CNTN6: variants seen among roughly 807,000 people sequenced by gnomAD.
CNTN6 encodes contactin 6, also known as contactin-6.
In CNTN6, 137 loss-of-function variants were observed where a neutral mutation model predicts 122.8. That is an observed-to-expected ratio of 1.12 (90% CI 0.97 to 1.29). The LOEUF (loss-of-function observed/expected upper bound fraction) is 1.29, where lower values mean the gene tolerates loss of function less well. Ranked by LOEUF, CNTN6 falls within the 50% of genes most tolerant of loss-of-function variation. CNTN6 has a pLI of 0.00. For missense variants in CNTN6, 1,634 were observed against 1,223.4 expected, an observed-to-expected ratio of 1.34 and a Z score of -5.01; for synonymous variants, 570 against 426.0, an observed-to-expected ratio of 1.34 and a Z score of -4.16.
intron 9 of CNTN6, among the ~76,000 whole-genome samples, chr3:1,326,218 C>A (rs1355775226): frequency 6.6e-6 from 1 of 151,858 alleles, no homozygotes; most frequent in Non-Finnish European, 1.5e-5. Context: ...ATATCATCAT[C>A]ATCATCACCG....
intron 20 of CNTN6, among the ~76,000 whole-genome samples, chr3:1,392,567 A>T (rs1239798747): frequency 1.1e-4 from 16 of 148,148 alleles, no homozygotes; most frequent in African/African-American, 3.9e-4. Flanking sequence ...GGATCTAATT[A>T]AACTAAAGAG....
intron 4 of CNTN6, among the ~76,000 whole-genome samples, chr3:1,246,389 T>A (rs989507729): frequency 6.6e-6 from 1 of 152,216 alleles, no homozygotes; most frequent in Non-Finnish European, 1.5e-5. Context: ...TTCATTTTTC[T>A]GATCACATAT....
At chr3:1,365,263 T>C (rs1367485470) in intron 12 of CNTN6, among the ~76,000 whole-genome samples, 1 of 152,016 alleles carries the variant, frequency 6.6e-6, no homozygotes, top group East Asian at 1.9e-4. Context: ...CCTCAATAAT[T>C]TCACCCACAA....
chr3:1,239,067 A>G (rs1043462943), intron 4 of CNTN6, among the ~76,000 whole-genome samples: 1 of 152,162 alleles, frequency 6.6e-6, no homozygotes, highest in African/African-American at 2.4e-5. Flanking sequence ...CTGGAAATAT[A>G]CAACTCTCCT....
chr3:1,334,865 A>T (rs1702818588), intron 11 of CNTN6, among the ~76,000 whole-genome samples: 1 of 152,172 alleles, frequency 6.6e-6, no homozygotes, highest in African/African-American at 2.4e-5. Context: ...GAGATTTTGC[A>T]GCTAAGCCAA....
At chr3:1,098,854 T>A (rs61025100) in intron 1 of CNTN6, among the ~76,000 whole-genome samples, 3,077 of 138,274 alleles carry the variant, frequency 0.022, 125 homozygotes, top group African/African-American at 0.078. Context: ...AGGATTAAAT[T>A]TAATAATGAC....
intron 2 of CNTN6, among the ~76,000 whole-genome samples, chr3:1,208,225 C>G (rs2125459686): frequency 6.6e-6 from 1 of 152,194 alleles, no homozygotes; most frequent in South Asian, 2.1e-4. Flanking sequence ...GTTTACAGGT[C>G]AAATTCAAAC....
At chr3:1,331,830 G>A (rs1367071372) in intron 11 of CNTN6, among the ~76,000 whole-genome samples, 2 of 150,816 alleles carry the variant, frequency 1.3e-5, no homozygotes, top group Admixed American at 6.6e-5. Flanking sequence ...CTAAGATAAT[G>A]AGAGAGAGAA....
At chr3:1,149,589 T>C (rs2092795597) in intron 2 of CNTN6, among the ~76,000 whole-genome samples, 1 of 152,098 alleles carries the variant, frequency 6.6e-6, no homozygotes. Context: ...CAGCTAGAAG[T>C]GCCATAGTTA....
chr3:1,226,876 AGTTTT>A (rs2094291086), intron 3 of CNTN6, among the ~76,000 whole-genome samples: 2 of 152,214 alleles, frequency 1.3e-5, no homozygotes, highest in Non-Finnish European at 2.9e-5. Context: ...ATTATTCAAT[AGTTTT>A]AAGTGTTTAT....
At chr3:1,256,295 G>T (rs140256505) in intron 4 of CNTN6, among the ~76,000 whole-genome samples, 1 of 152,170 alleles carries the variant, frequency 6.6e-6, no homozygotes, top group Non-Finnish European at 1.5e-5. Context: ...AGACGTGAAA[G>T]TGTGGGTGAG....
rs753233535 is a variant in CNTN6, at chr3:1,377,124, G to A, written c.2166+49G>A. The A allele has an allele frequency of 5.4e-6, 7 of 1,301,774 alleles. No individual in the cohort carries two copies. The South Asian group carries it at 9.1e-5, about 17-fold the overall frequency. 80.6% of individuals were successfully genotyped at this position (1,301,774 alleles called of 1,614,324 possible). ...ATTTTGAAGAAAAGAGATTTAACTG[G>A]CCAGAAAGAAACTGAAAAACAAAAA... On this transcript the variant is annotated intron_variant, in intron 17 of 22. Coordinates refer to ENST00000446702, the MANE Select transcript of CNTN6 (RefSeq NM_001289080.2).
intron 2 of CNTN6, among the ~76,000 whole-genome samples, chr3:1,199,614 A>T (rs1000261531): frequency 1.3e-5 from 2 of 152,054 alleles, no homozygotes; most frequent in African/African-American, 4.8e-5. Flanking sequence ...GCAATTAAAA[A>T]CTTTGTTCTC....
chr3:1,287,430 T>G (rs1012637129), intron 5 of CNTN6, among the ~76,000 whole-genome samples: 1 of 152,150 alleles, frequency 6.6e-6, no homozygotes, highest in Admixed American at 6.5e-5. Flanking sequence ...TCTCTTACAT[T>G]CACTGTATTA....
chr3:1,327,208 C>T (rs937751730), intron 9 of CNTN6, among the ~76,000 whole-genome samples: 7 of 151,844 alleles, frequency 4.6e-5, no homozygotes, highest in Non-Finnish European at 8.8e-5. Flanking sequence ...AGTTAACATA[C>T]ATTTTGTGCA....
rs779705194 is a variant in CNTN6 at position 1,278,540 on chromosome 3, A to G, written c.454+32A>G. The G allele has an allele frequency of 1.2e-5, 17 of 1,465,516 alleles. No individual in the cohort carries two copies. In the East Asian group the frequency reaches 3.9e-4, roughly 33 times the overall value. 90.8% of individuals were successfully genotyped at this position (1,465,516 alleles called of 1,614,324 possible). Reference sequence around the variant, plus strand: ...TGGGGTGATTTGGGTCATATCATCAATGCGGTCACTTGGAGAGTGATGTGA... The same window carrying G: ...TGGGGTGATTTGGGTCATATCATCAGTGCGGTCACTTGGAGAGTGATGTGA... On this transcript the variant is annotated intron_variant, in intron 5 of 22. Coordinates refer to ENST00000446702, the MANE Select transcript of CNTN6 (RefSeq NM_001289080.2).
At position 1,291,481 on chromosome 3, in the gene CNTN6, G is replaced by T. The variant is rs141736282; in HGVS notation, c.455-4120G>T. Among the ~76,000 whole-genome samples, 499 of 152,280 alleles carry T rather than the reference G, an allele frequency of 3.3e-3. 4 individuals carry two copies. Among genetic ancestry groups the T allele is most frequent in the African/African-American group, 0.012 (486 of 41,560 alleles). On this transcript the variant is annotated intron_variant, in intron 5 of 22. Transcript: ENST00000446702. ...AAACTGTAATTTTTGTTAAGTGAAA[G>T]GGGTGACATTGGATTTCAGAGAGCT...
chr3:1,201,099 T>TTGTGTGTGTGTGTG (rs57028088), intron 2 of CNTN6, among the ~76,000 whole-genome samples: 210 of 130,080 alleles, frequency 1.6e-3, no homozygotes, highest in East Asian at 9.1e-3. Flanking sequence ...AGCTAACATT[T>TTGTGTGTGTGTGTG]TGTGTGTGTG....
intron 20 of CNTN6, chr3:1,394,258 C>T (rs1183468370): frequency 2.2e-5 from 5 of 232,434 alleles, no homozygotes; most frequent in Non-Finnish European, 4.3e-5. Context: ...AGGAACAAGA[C>T]AGCCAGGAAT....
Sources: gnomAD v4.1 joint callset for allele counts (sites outside exome capture counted in the v4.1 genomes callset) on GRCh38, gnomAD v4.1.1 for gene constraint, MANE v1.5 for transcripts, NCBI Gene and HGNC (gene_info 2026-07-23, HGNC 2026-07-21) for gene names.